Variants in OTOGL observed in about 807,000 individuals in gnomAD.
The protein encoded by OTOGL is otogelin like.
Under a neutral mutation model 318.5 loss-of-function variants are expected in OTOGL, and 285 were observed. That is an observed-to-expected ratio of 0.89 (90% CI 0.81 to 0.99). The LOEUF (loss-of-function observed/expected upper bound fraction) is 0.99, where lower values mean the gene tolerates loss of function less well. Among genes scored for constraint, OTOGL ranks in the 50% least tolerant of loss-of-function variants. OTOGL has a pLI of 0.00. For synonymous variants in OTOGL, 987 were observed against 936.5 expected, an observed-to-expected ratio of 1.05 and a Z score of -0.99; for missense variants, 2,899 against 2,845.6, an observed-to-expected ratio of 1.02 and a Z score of -0.43.
In OTOGL at chr12:80,210,867, A is replaced by G. The variant is rs117411391; in HGVS notation, c.100A>G (p.Ile34Val). The change falls in exon 3 of 59, where the codon ATA becomes GTA. Residue 34 changes from isoleucine to valine, a missense_variant. Physicochemically the swap from Ile to Val is conservative, Grantham distance 29. Coordinates refer to ENST00000547103, the MANE Select transcript of OTOGL (RefSeq NM_001378609.3). ...SLQEYICASS[I>V]LMGTSKNGFN... ...GGCAGAATATATTTGTGCATCGTCT[A>G]TATTGATGGGAACATCAAAGTGAGT... 96 of 1,486,224 alleles carry G rather than the reference A, an allele frequency of 6.5e-5. No homozygotes were observed. The East Asian group carries it at 2.3e-3, about 35-fold the overall frequency. 92.1% of individuals were successfully genotyped at this position (1,486,224 alleles called of 1,614,324 possible). A position where few individuals can be genotyped will look rare whatever the true frequency, so the allele number is the denominator to read the frequency against.
At chr12:80,252,249 C>A in intron 13 of OTOGL, 48 bp downstream of exon 13, 2 of 1,541,476 alleles carry the variant, frequency 1.3e-6, no homozygotes, top group Non-Finnish European at 1.8e-6. Context: ...GAAACTAGTA[C>A]CCAGTGATCT....
rs1348124891 is a variant in OTOGL, at chr12:80,339,243, TC to T, written c.5031del (p.Tyr1678ThrfsTer17). 3.1e-6 allele frequency: 5 copies of T among 1,594,744 alleles called. No homozygotes were observed. The African/African-American group carries it at 6.7e-5, about 21-fold the overall frequency. Reference sequence around the variant, plus strand: ...TTTTGGCTTCCGATTTAACTTGTCATCCTACACAGAAGGACTCTGTGGTGAG... The same window carrying T: ...TTTTGGCTTCCGATTTAACTTGTCATCTACACAGAAGGACTCTGTGGTGAG... ...IHFGFRFNLS[S>X]YTEGLCGICN... is the part of the protein sequence containing the mutation. On this transcript the variant is annotated frameshift_variant, in exon 43 of 59. Coordinates refer to ENST00000547103, the MANE Select transcript of OTOGL (RefSeq NM_001378609.3). LOFTEE classifies it high-confidence loss of function.
intron 1 of OTOGL, among the ~76,000 whole-genome samples, chr12:80,128,143 G>T (rs534645312): frequency 6.6e-6 from 1 of 152,176 alleles, no homozygotes; most frequent in Admixed American, 6.5e-5. Context: ...CAGTTTTTCT[G>T]CTCTGTTTTT....
chr12:80,167,251 C>T (rs901264699), intron 1 of OTOGL, among the ~76,000 whole-genome samples: 1 of 151,970 alleles, frequency 6.6e-6, no homozygotes, highest in Non-Finnish European at 1.5e-5. Flanking sequence ...GGTGCAAGTC[C>T]GTGGGAGTGG....
chr12:80,356,825 G>A lies in OTOGL; in HGVS notation c.5930G>A (p.Cys1977Tyr), dbSNP rs751736301. 4.0e-5 allele frequency: 63 copies of A among 1,592,990 alleles called. No individual in the cohort carries two copies. The highest frequency in any genetic ancestry group is 1.7e-4 in the Middle Eastern group (1 of 5,994). Residue 1977 changes from cysteine to tyrosine, a missense_variant, in exon 49 of 59, where the codon TGC (cysteine) becomes TAC (tyrosine). Physicochemically the swap from Cys to Tyr is radical, Grantham distance 194 (BLOSUM62 -2). Around this residue, in one of 3 missense-constraint regions of OTOGL, gnomAD observed 2,607 missense variants for 2,524.9 expected, o/e 1.03. Transcript: ENST00000547103. The part of the protein sequence containing the change: ...QYKCECDPLK[C>Y]PSISTPECRE... ...TCTGCAGAATGTGACCCATTGAAATGCCCCAGTATTTCAACACCAGAATGC... is the reference window on the plus strand; with the variant it reads ...TCTGCAGAATGTGACCCATTGAAATACCCCAGTATTTCAACACCAGAATGC...
rs1337781614 is a variant in OTOGL, at chr12:80,333,065, G to A, written c.4409G>A (p.Gly1470Asp). 1 of 1,598,098 alleles carries A rather than the reference G, an allele frequency of 6.3e-7. No individual in the cohort carries two copies. The highest frequency in any genetic ancestry group is 1.1e-5 in the South Asian group (1 of 88,352). Residue 1470 changes from glycine (G) to aspartate (D), a missense_variant, in exon 38 of 59, where the codon GGC becomes GAC. This residue lies in a region of OTOGL where 2,607 missense variants were observed against 2,524.9 expected (regional missense o/e 1.03). Transcript: ENST00000547103. ...TVFDMLTPTT[G>D]LECEPQKFDP... Reference sequence around the variant, plus strand: ...TTTGATATGCTAACACCAACTACAGGCTTGGAATGTGAGGTATGACTGAGC... The same window carrying A: ...TTTGATATGCTAACACCAACTACAGACTTGGAATGTGAGGTATGACTGAGC...
intron 1 of OTOGL, among the ~76,000 whole-genome samples, chr12:80,142,254 T>C (rs1196718823): frequency 6.6e-6 from 1 of 152,116 alleles, no homozygotes; most frequent in African/African-American, 2.4e-5. Flanking sequence ...ATATCATAGA[T>C]TGACAGCACA....
chr12:80,277,671 C>T (rs1883912725), intron 24 of OTOGL, among the ~76,000 whole-genome samples: 1 of 151,424 alleles, frequency 6.6e-6, no homozygotes, highest in Admixed American at 6.6e-5. Context: ...TAGTTCCACA[C>T]ACACCTAAGT....
chr12:80,249,960 G>A (rs1212727159), intron 11 of OTOGL, among the ~76,000 whole-genome samples: 3 of 152,102 alleles, frequency 2.0e-5, no homozygotes, highest in South Asian at 2.1e-4. Context: ...TCTTTGACTC[G>A]GAAAGGGAAC....
Position 80,332,990 on chromosome 12 carries a change from T to C in OTOGL, c.4349-15T>C. ...TGCATTCCACTAATGAGGATTACTT[T>C]TTCATTTCTGACAGTTTGGGAAATG... is the stretch of plus-strand genomic sequence containing the variant. On this transcript the variant is annotated splice_polypyrimidine_tract_variant and intron_variant, in intron 37 of 58. Coordinates refer to ENST00000547103, the MANE Select transcript of OTOGL (RefSeq NM_001378609.3). The C allele has an allele frequency of 1.3e-6, 2 of 1,570,612 alleles. No individual in the cohort carries two copies. Among genetic ancestry groups the C allele is most frequent in the Non-Finnish European group, 8.7e-7 (1 of 1,152,434 alleles).
In OTOGL at chr12:80,267,406, TA is replaced by T. The variant is rs201901681; in HGVS notation, c.2465+80del. The T allele has an allele frequency of 8.8e-4, 567 of 642,054 alleles. 3 individuals carry two copies. Among genetic ancestry groups the T allele is most frequent in the African/African-American group, 5.6e-3 (240 of 42,980 alleles). 39.8% of individuals were successfully genotyped at this position (642,054 alleles called of 1,614,324 possible). The stretch of plus-strand genomic sequence containing the variant: ...ATTCTTTCTTTTATATATATATATA[TA>T]TTTTTTTATTATACTTTAAGTTCTA... On this transcript the variant is annotated intron_variant, in intron 22 of 58. Coordinates refer to ENST00000547103, the MANE Select transcript of OTOGL (RefSeq NM_001378609.3).
chr12:80,234,543 G>A lies in OTOGL; in HGVS notation c.817+1446G>A, dbSNP rs559820944. On this transcript the variant is annotated intron_variant, in intron 9 of 58. Transcript: ENST00000547103. ...TTTTATAAGTTTAAAGATATAATAA[G>A]AGCATATACTTCATAAGGGTTGCAA... is the stretch of plus-strand genomic sequence containing the variant. 1.4e-4 allele frequency among the ~76,000 whole-genome samples: 21 copies of A among 152,250 alleles called. No homozygotes were observed. In the South Asian group the frequency reaches 4.1e-3, roughly 30 times the overall value.
At position 80,238,869 on chromosome 12, in the gene OTOGL, T is replaced by A; in HGVS notation, c.836T>A (p.Ile279Asn). Residue 279 changes from isoleucine to asparagine, a missense_variant, in exon 10 of 59, where the codon ATC (isoleucine) becomes AAC (asparagine). Coordinates refer to ENST00000547103, the MANE Select transcript of OTOGL (RefSeq NM_001378609.3). ...GAAATAGAGGACTATACAGAAGACA[T>A]CGCTATGTTTGCAAATAGTTGGTCG... ...IILQEDYTED[I>N]AMFANSWSVQ... 6.4e-7 allele frequency: 1 copy of A among 1,554,220 alleles called. No homozygotes were observed. The highest frequency in any genetic ancestry group is 8.7e-7 in the Non-Finnish European group (1 of 1,155,594).
intron 52 of OTOGL, among the ~76,000 whole-genome samples, chr12:80,364,361 C>G (rs1219278296): frequency 6.6e-6 from 1 of 152,078 alleles, no homozygotes; most frequent in Non-Finnish European, 1.5e-5. Context: ...GTGTTTCAAC[C>G]TGAAAAATGT....
chr12:80,174,001 G>A, intron 1 of OTOGL, among the ~76,000 whole-genome samples: 1 of 152,180 alleles, frequency 6.6e-6, no homozygotes, highest in Non-Finnish European at 1.5e-5. Flanking sequence ...AGCTCATCCT[G>A]TATTCCTATA....
At chr12:80,244,520 A>C (rs1019491699) in intron 11 of OTOGL, among the ~76,000 whole-genome samples, 1 of 149,138 alleles carries the variant, frequency 6.7e-6, no homozygotes, top group African/African-American at 2.6e-5. Context: ...TTATGGCTGC[A>C]TAGTATTCCA....
chr12:80,219,382 G>A (rs1878066243), intron 5 of OTOGL, among the ~76,000 whole-genome samples: 1 of 152,214 alleles, frequency 6.6e-6, no homozygotes, highest in Non-Finnish European at 1.5e-5. Context: ...AGAGTGCTGG[G>A]ATTACAGGCA....
chr12:80,140,191 C>T (rs928392094), intron 1 of OTOGL, among the ~76,000 whole-genome samples: 3 of 152,154 alleles, frequency 2.0e-5, no homozygotes, highest in Non-Finnish European at 4.4e-5. Context: ...CACTGATCTC[C>T]TTCATACCAC....
intron 2 of OTOGL, 37 bp downstream of exon 2, chr12:80,209,547 G>A (rs1877081058): frequency 7.5e-7 from 1 of 1,339,904 alleles, no homozygotes; most frequent in Non-Finnish European, 1.0e-6. Flanking sequence ...TTAATTTATT[G>A]TATTTTTGTT....
Sources: gnomAD v4.1 joint callset for allele counts (sites outside exome capture counted in the v4.1 genomes callset) on GRCh38, gnomAD v4.1.1 for gene constraint, gnomAD v4.1.1 regional missense constraint, MANE v1.5 for transcripts, NCBI Gene and HGNC (gene_info 2026-07-23, HGNC 2026-07-21) for gene names.